CDKN3: variants seen among roughly 807,000 people sequenced by gnomAD.
CDKN3 encodes cyclin dependent kinase inhibitor 3, also known as cyclin-dependent kinase inhibitor 3.
A neutral mutation model predicts 36.1 loss-of-function variants in CDKN3; 19 were observed. The ratio of observed to expected loss-of-function variants is 0.53; its 90% CI spans 0.37 to 0.77. The LOEUF (loss-of-function observed/expected upper bound fraction) is 0.77. Among genes scored for constraint, CDKN3 ranks in the 30% least tolerant of loss-of-function variants. The pLI, the probability that CDKN3 is intolerant of heterozygous loss-of-function variation, is 0.00. For synonymous variants in CDKN3, 71 were observed against 85.3 expected (o/e 0.83, Z 0.92); for missense variants, 188 against 248.6 (o/e 0.76, Z 1.64).
chr14:54,406,344 T>C (rs1003741555), intron 3 of CDKN3, among the ~76,000 whole-genome samples: 4 of 152,174 alleles, frequency 2.6e-5, no homozygotes, highest in Admixed American at 1.3e-4. Flanking sequence ...GTGGAGTATC[T>C]TTGTGGTGTT....
At chr14:54,411,772 T>A in intron 5 of CDKN3, 66 bp downstream of exon 5, 1 of 1,038,652 alleles carries the variant, frequency 9.6e-7, no homozygotes, top group Non-Finnish European at 1.5e-6. Context: ...GGAATTATGG[T>A]AGCCCTATTC....
intron 3 of CDKN3, among the ~76,000 whole-genome samples, chr14:54,407,457 C>T (rs1320803134): frequency 1.3e-5 from 2 of 152,198 alleles, no homozygotes; most frequent in Non-Finnish European, 2.9e-5. Flanking sequence ...CCATCCCTTC[C>T]GCCAGGTGCT....
chr14:54,405,577 C>G (rs1213229632), intron 3 of CDKN3, among the ~76,000 whole-genome samples: 1 of 152,220 alleles, frequency 6.6e-6, no homozygotes, highest in Middle Eastern at 3.4e-3. Context: ...TGCATTGATC[C>G]CTTTACCATT....
At chr14:54,412,676 T>C (rs2030400573) in intron 5 of CDKN3, among the ~76,000 whole-genome samples, 1 of 152,106 alleles carries the variant, frequency 6.6e-6, no homozygotes, top group Non-Finnish European at 1.5e-5. Flanking sequence ...GATAGTAGCA[T>C]GGCAAAGATT....
At chr14:54,402,305 T>TGC (rs1250420064) in intron 3 of CDKN3, among the ~76,000 whole-genome samples, 41 of 93,588 alleles carry the variant, frequency 4.4e-4, no homozygotes, top group Non-Finnish European at 7.8e-4. Context: ...ATGGCATGTG[T>TGC]GTGCGTGTGT....
chr14:54,403,917 T>C (rs1024835174), intron 3 of CDKN3, among the ~76,000 whole-genome samples: 8 of 152,248 alleles, frequency 5.3e-5, no homozygotes, highest in African/African-American at 1.9e-4. Context: ...AGCTTTTTAA[T>C]GTGCTGCTGG....
At chr14:54,408,982 T>C (rs1485456231) in intron 4 of CDKN3, among the ~76,000 whole-genome samples, 193 bp downstream of exon 4, 2 of 151,776 alleles carry the variant, frequency 1.3e-5, no homozygotes, top group African/African-American at 4.9e-5. Context: ...TACCTAACCA[T>C]GGAGTTGCTT....
chr14:54,410,228 A>C (rs971676962), intron 4 of CDKN3, among the ~76,000 whole-genome samples: 1 of 152,212 alleles, frequency 6.6e-6, no homozygotes, highest in Admixed American at 6.5e-5. Context: ...GAGACCTAGA[A>C]TCTCCCTGCA....
intron 1 of CDKN3, among the ~76,000 whole-genome samples, chr14:54,398,816 T>C (rs1227777056): frequency 1.3e-5 from 2 of 152,100 alleles, no homozygotes; most frequent in Non-Finnish European, 2.9e-5. Flanking sequence ...TGGAGGCAGG[T>C]TATTTCACCT....
rs1375532504 is a variant in CDKN3, at chr14:54,397,021, G to T, written c.-48G>T. On this transcript the variant is annotated 5_prime_UTR_variant, in exon 1 of 8. Transcript: ENST00000335183. ...TCGGCCGGGGCACCGGTGAGTCGCC[G>T]GCGCTGCAGAGGGAGGCGGCACTGG... The T allele has an allele frequency of 1.2e-5, 18 of 1,453,390 alleles. No homozygotes were observed. In the South Asian group the frequency reaches 2.4e-4, roughly 19 times the overall value. The allele number at this position is 1,453,390 out of a possible 1,614,324, so 90.0% of individuals were successfully genotyped here.
chr14:54,404,309 T>C (rs1012197813), intron 3 of CDKN3, among the ~76,000 whole-genome samples: 8 of 152,276 alleles, frequency 5.3e-5, no homozygotes, highest in Middle Eastern at 6.8e-3. Flanking sequence ...AATTTATCCA[T>C]TTCTTCTAGA....
At chr14:54,418,225 T>G (rs2030614382) in intron 7 of CDKN3, 1 of 702,278 alleles carries the variant, frequency 1.4e-6, no homozygotes, top group African/African-American at 1.7e-5. Context: ...ATCTACCTAC[T>G]TCTCAGTTTT....
intron 3 of CDKN3, among the ~76,000 whole-genome samples, chr14:54,405,602 T>C (rs1287275547): frequency 6.6e-6 from 1 of 152,232 alleles, no homozygotes; most frequent in Non-Finnish European, 1.5e-5. Flanking sequence ...AATCCCCTTC[T>C]TTTTCTTTTT....
At chr14:54,417,151 A>G (rs1435559151) in intron 6 of CDKN3, among the ~76,000 whole-genome samples, 1 of 152,258 alleles carries the variant, frequency 6.6e-6, no homozygotes, top group Non-Finnish European at 1.5e-5. Flanking sequence ...ACATTAACAT[A>G]TGACCCAGCA....
intron 6 of CDKN3, 102 bp downstream of exon 6, chr14:54,416,032 TAA>T (rs2030530094): frequency 2.3e-6 from 2 of 859,644 alleles, no homozygotes; most frequent in East Asian, 5.0e-5. Context: ...AAGCAAAATA[TAA>T]GTTTGCTAAG....
At chr14:54,400,575 T>C (rs762278385) in intron 2 of CDKN3, among the ~76,000 whole-genome samples, 2 of 152,222 alleles carry the variant, frequency 1.3e-5, no homozygotes, top group Non-Finnish European at 2.9e-5. Context: ...TTCTTTACAA[T>C]GAGCAATCAA....
At chr14:54,407,681 G>C (rs979860017) in intron 3 of CDKN3, among the ~76,000 whole-genome samples, 1 of 152,140 alleles carries the variant, frequency 6.6e-6, no homozygotes, top group Admixed American at 6.5e-5. Context: ...CTCAATAATG[G>C]TGGATGCCCC....
intron 2 of CDKN3, among the ~76,000 whole-genome samples, chr14:54,400,206 T>A (rs1037378736): frequency 6.0e-5 from 9 of 149,594 alleles, no homozygotes; most frequent in Non-Finnish European, 1.0e-4. Flanking sequence ...CCCTTCTTTA[T>A]ACATTCTAAC....
At chr14:54,411,263 C>A in intron 4 of CDKN3, 7 of 415,244 alleles carry the variant, frequency 1.7e-5, no homozygotes, top group Admixed American at 4.2e-5. Context: ...CAGCAATTGA[C>A]TTATTTTGAA....
Sources: allele counts gnomAD v4.1 joint callset (sites outside exome capture counted in the v4.1 genomes callset), GRCh38; gene constraint gnomAD v4.1.1; transcripts MANE v1.5; gene names NCBI Gene and HGNC (gene_info 2026-07-23, HGNC 2026-07-21).